NRXN3: variants seen among roughly 807,000 people sequenced by gnomAD.
The protein encoded by NRXN3 is neurexin 3.
A neutral mutation model predicts 137.6 loss-of-function variants in NRXN3; 32 were observed. The observed-to-expected ratio is 0.23, with a 90% confidence interval of 0.18 to 0.31. The LOEUF is 0.31. NRXN3 is among the 10% of genes least tolerant of loss of function. The pLI is 1.00. For missense variants in NRXN3, 1,574 were observed against 2,062.5 expected, an observed-to-expected ratio of 0.76 and a Z score of 4.59; for synonymous variants, 798 against 784.5, an observed-to-expected ratio of 1.02 and a Z score of -0.29.
chr14:78,728,687 T>C (rs1595247651), intron 8 of NRXN3, among the ~76,000 whole-genome samples: 1 of 151,900 alleles, frequency 6.6e-6, no homozygotes, highest in Non-Finnish European at 1.5e-5. Context: ...CACGAGGTCA[T>C]GAGTTCGAGA....
chr14:79,314,867 A>T (rs1327939451), intron 15 of NRXN3, among the ~76,000 whole-genome samples: 3 of 151,020 alleles, frequency 2.0e-5, no homozygotes, highest in Non-Finnish European at 4.4e-5. Flanking sequence ...GTCTGTTAGA[A>T]GGAAAACTAA....
chr14:78,530,473 C>A lies in NRXN3; in HGVS notation c.758-114647C>A, dbSNP rs144612766. Among the ~76,000 whole-genome samples the A allele has an allele frequency of 3.6e-3, 543 of 152,260 alleles. 1 individual carries two copies. Among genetic ancestry groups the A allele is most frequent in the African/African-American group, 0.012 (515 of 41,534 alleles). ...GCTTCTACAAGTTATTTTTCAGGTG[C>A]CTGGAGGATGGAAAAGGGTTGCCCT... On this transcript the variant is annotated intron_variant, in intron 4 of 20. Coordinates refer to ENST00000335750, the MANE Select transcript of NRXN3 (RefSeq NM_001330195.2).
At chr14:78,335,252 G>A (rs2081323168) in intron 4 of NRXN3, among the ~76,000 whole-genome samples, 1 of 152,234 alleles carries the variant, frequency 6.6e-6, no homozygotes, top group Non-Finnish European at 1.5e-5. Flanking sequence ...GAAAAAGGCT[G>A]TTGCATTATT....
At chr14:79,751,013 C>T (rs2098995653) in intron 19 of NRXN3, among the ~76,000 whole-genome samples, 1 of 152,086 alleles carries the variant, frequency 6.6e-6, no homozygotes, top group Non-Finnish European at 1.5e-5. Flanking sequence ...GTGATGCCTC[C>T]AGCTTTGTTC....
chr14:79,196,374 T>C (rs1441866474), intron 15 of NRXN3, among the ~76,000 whole-genome samples: 2 of 152,152 alleles, frequency 1.3e-5, no homozygotes, highest in Non-Finnish European at 2.9e-5. Context: ...TTGTGCTACA[T>C]GATCCCATGG....
chr14:79,663,686 C>A, intron 16 of NRXN3, 92 bp from the exon 17 acceptor site: 1 of 1,070,282 alleles, frequency 9.3e-7, no homozygotes, highest in South Asian at 1.5e-5. Flanking sequence ...CTCTGGGCAC[C>A]TACAGGTTTA....
chr14:79,710,707 A>T (rs994394272), intron 19 of NRXN3, among the ~76,000 whole-genome samples: 4 of 151,972 alleles, frequency 2.6e-5, no homozygotes, highest in African/African-American at 9.7e-5. Context: ...AAAATATTTG[A>T]GTTATTTGAG....
intron 9 of NRXN3, among the ~76,000 whole-genome samples, chr14:78,805,600 G>GAAA (rs201107127): frequency 4.3e-5 from 4 of 92,786 alleles, no homozygotes; most frequent in Non-Finnish European, 4.9e-5. Context: ...AAAAACAACA[G>GAAA]AAAAAAAAAA....
chr14:78,784,082 C>A lies in NRXN3; in HGVS notation c.2045-19538C>A, dbSNP rs74064972. Among the ~76,000 whole-genome samples, 171 of 124,324 alleles carry A rather than the reference C, an allele frequency of 1.4e-3. 2 individuals are homozygous for A. The highest frequency in any genetic ancestry group is 8.6e-3 in the Middle Eastern group (2 of 232). The allele number at this position is 124,324 out of a possible 152,430, so 81.6% of individuals were successfully genotyped here. A position where few individuals can be genotyped will look rare whatever the true frequency, so the allele number is the denominator to read the frequency against. ...CACATGAGAAAAAAAAAAAAAAAAACAACACCAAACAAAATTAATTAGATA... is the reference window on the plus strand; with the variant it reads ...CACATGAGAAAAAAAAAAAAAAAAAAAACACCAAACAAAATTAATTAGATA... On this transcript the variant is annotated intron_variant, in intron 8 of 20. Coordinates refer to ENST00000335750, the MANE Select transcript of NRXN3 (RefSeq NM_001330195.2).
At chr14:79,123,230 C>T (rs931995647) in intron 15 of NRXN3, among the ~76,000 whole-genome samples, 21 of 151,732 alleles carry the variant, frequency 1.4e-4, no homozygotes, top group East Asian at 7.9e-4. Context: ...TGTGTGTGCG[C>T]GCGTGTGTGC....
At chr14:78,785,394 C>A (rs550578864) in intron 8 of NRXN3, among the ~76,000 whole-genome samples, 71 of 152,266 alleles carry the variant, frequency 4.7e-4, no homozygotes, top group African/African-American at 1.7e-3. Context: ...TCTGCTGCAG[C>A]GCTATTCTTG....
At chr14:79,083,636 A>G (rs1234968278) in intron 15 of NRXN3, among the ~76,000 whole-genome samples, 1 of 152,212 alleles carries the variant, frequency 6.6e-6, no homozygotes, top group East Asian at 1.9e-4. Context: ...ATGTTTTCCT[A>G]TGTAAAAAAT....
At chr14:78,601,322 T>C (rs1158289866) in intron 4 of NRXN3, among the ~76,000 whole-genome samples, 1 of 152,218 alleles carries the variant, frequency 6.6e-6, no homozygotes, top group African/African-American at 2.4e-5. Context: ...AGAGCCATTC[T>C]TTTTGGTCAT....
intron 15 of NRXN3, among the ~76,000 whole-genome samples, chr14:79,049,953 A>T (rs546445637): frequency 6.6e-6 from 1 of 152,112 alleles, no homozygotes; most frequent in East Asian, 1.9e-4. Context: ...TGTTTGTTAG[A>T]CTCTTTTCTT....
At chr14:78,547,444 C>G (rs926029844) in intron 4 of NRXN3, among the ~76,000 whole-genome samples, 1 of 152,074 alleles carries the variant, frequency 6.6e-6, no homozygotes, top group East Asian at 1.9e-4. Flanking sequence ...GTGATCCACC[C>G]TCCTCGGCCT....
chr14:79,446,063 A>G (rs2096059305), intron 15 of NRXN3, among the ~76,000 whole-genome samples: 1 of 152,198 alleles, frequency 6.6e-6, no homozygotes, highest in Non-Finnish European at 1.5e-5. Context: ...AGCAGTGACT[A>G]TGACAGGTCT....
chr14:78,569,940 C>T (rs2096874460), intron 4 of NRXN3, among the ~76,000 whole-genome samples: 1 of 152,238 alleles, frequency 6.6e-6, no homozygotes, highest in Admixed American at 6.5e-5. Flanking sequence ...TGTTGATATC[C>T]AGGGGCCACA....
chr14:78,256,509 G>A (rs2069635211), intron 2 of NRXN3, among the ~76,000 whole-genome samples: 1 of 152,174 alleles, frequency 6.6e-6, no homozygotes, highest in Non-Finnish European at 1.5e-5. Context: ...GTGGTTTTGG[G>A]GTCTTGGTAG....
At chr14:79,157,288 T>G (rs989322250) in intron 15 of NRXN3, among the ~76,000 whole-genome samples, 1 of 151,854 alleles carries the variant, frequency 6.6e-6, no homozygotes, top group East Asian at 1.9e-4. Context: ...TGAATCAACA[T>G]CTCTATCAGC....
Sources: gnomAD v4.1 joint callset for allele counts (sites outside exome capture counted in the v4.1 genomes callset) on GRCh38, gnomAD v4.1.1 for gene constraint, MANE v1.5 for transcripts, NCBI Gene and HGNC (gene_info 2026-07-23, HGNC 2026-07-21) for gene names.